Variants in ASIC2 observed in about 807,000 individuals in gnomAD.
The protein encoded by ASIC2 is acid-sensing ion channel 2.
A neutral mutation model predicts 57.3 loss-of-function variants in ASIC2; 25 were observed. The ratio of observed to expected loss-of-function variants is 0.44; its 90% CI spans 0.32 to 0.61. ASIC2 has a LOEUF of 0.61. Ranked by LOEUF, ASIC2 falls within the 20% of genes least tolerant of loss-of-function variation. The pLI, the probability that ASIC2 is intolerant of heterozygous loss-of-function variation, is 0.06. For missense variants in ASIC2, 641 were observed against 738.1 expected (o/e 0.87, Z 1.52); for synonymous variants, 319 against 307.5 (o/e 1.04, Z -0.39).
At chr17:33,266,731 T>A (rs1909476973) in intron 1 of ASIC2, among the ~76,000 whole-genome samples, 1 of 152,018 alleles carries the variant, frequency 6.6e-6, no homozygotes, top group Admixed American at 6.6e-5. Flanking sequence ...AATTATTCAA[T>A]GAGATGTCAA....
At chr17:34,103,640 G>A (rs2142102784) in intron 1 of ASIC2, among the ~76,000 whole-genome samples, 1 of 152,092 alleles carries the variant, frequency 6.6e-6, no homozygotes, top group South Asian at 2.1e-4. Flanking sequence ...TGTGTGGTGT[G>A]AGGTCAGAGA....
chr17:33,367,019 G>A (rs932090892), intron 1 of ASIC2, among the ~76,000 whole-genome samples: 2 of 152,246 alleles, frequency 1.3e-5, no homozygotes, highest in African/African-American at 4.8e-5. Flanking sequence ...TGTTCTGCGT[G>A]CTAGGTGCTA....
intron 3 of ASIC2, among the ~76,000 whole-genome samples, chr17:33,029,248 C>T (rs1208152806): frequency 2.6e-5 from 4 of 152,218 alleles, no homozygotes; most frequent in Non-Finnish European, 5.9e-5. Context: ...CATTTTAAAA[C>T]ACCCTAGAAA....
At chr17:33,441,644 C>A (rs1232538673) in intron 1 of ASIC2, among the ~76,000 whole-genome samples, 1 of 152,256 alleles carries the variant, frequency 6.6e-6, no homozygotes, top group Admixed American at 6.5e-5. Flanking sequence ...GTCATAAGGA[C>A]CTCATTTCAG....
chr17:33,556,526 C>A (rs1367959997), intron 1 of ASIC2, among the ~76,000 whole-genome samples: 1 of 152,168 alleles, frequency 6.6e-6, no homozygotes, highest in Admixed American at 6.5e-5. Flanking sequence ...CGTTTAAATT[C>A]AGAAAATTAA....
intron 1 of ASIC2, among the ~76,000 whole-genome samples, chr17:33,698,917 C>G (rs769740950): frequency 1.1e-4 from 16 of 152,218 alleles, no homozygotes; most frequent in Middle Eastern, 3.4e-3. Flanking sequence ...AGATGCCCCC[C>G]CTCTGCTTTT....
At chr17:33,848,338 C>A (rs540667587) in intron 1 of ASIC2, among the ~76,000 whole-genome samples, 1 of 152,162 alleles carries the variant, frequency 6.6e-6, no homozygotes, top group Non-Finnish European at 1.5e-5. Flanking sequence ...TTTCTCCTTA[C>A]ATGCTCAACC....
At chr17:33,271,152 C>T (rs1904476988) in intron 1 of ASIC2, among the ~76,000 whole-genome samples, 1 of 152,162 alleles carries the variant, frequency 6.6e-6, no homozygotes. Context: ...TCCCTTGGGT[C>T]AGTGCCCTCT....
intron 1 of ASIC2, among the ~76,000 whole-genome samples, chr17:33,807,474 T>C (rs1912300283): frequency 6.6e-6 from 1 of 152,156 alleles, no homozygotes; most frequent in African/African-American, 2.4e-5. Context: ...GGCAAAGACA[T>C]AATCAATCAA....
At chr17:34,151,324 G>T (rs1904518066) in intron 1 of ASIC2, among the ~76,000 whole-genome samples, 1 of 152,180 alleles carries the variant, frequency 6.6e-6, no homozygotes, top group Admixed American at 6.5e-5. Flanking sequence ...CATCTGGAGG[G>T]GGTGGGAAAT....
At chr17:33,169,635 C>A (rs1905432324) in intron 1 of ASIC2, among the ~76,000 whole-genome samples, 1 of 152,204 alleles carries the variant, frequency 6.6e-6, no homozygotes, top group Non-Finnish European at 1.5e-5. Context: ...CTCAAAATGC[C>A]ACCCAGAGGT....
At chr17:33,330,927 G>T (rs771645486) in intron 1 of ASIC2, among the ~76,000 whole-genome samples, 3 of 152,098 alleles carry the variant, frequency 2.0e-5, no homozygotes, top group African/African-American at 7.2e-5. Context: ...TATTGTGCTC[G>T]GTGTGTTTAA....
At chr17:33,392,223 C>T (rs1909926360) in intron 1 of ASIC2, among the ~76,000 whole-genome samples, 1 of 95,366 alleles carries the variant, frequency 1.0e-5, no homozygotes, top group African/African-American at 3.8e-5. Context: ...TCCTTCCTTC[C>T]TTCCTTCCTT....
chr17:33,904,035 T>C (rs950130395), intron 1 of ASIC2, among the ~76,000 whole-genome samples: 4 of 151,644 alleles, frequency 2.6e-5, no homozygotes, highest in African/African-American at 9.7e-5. Context: ...TGGTGGTGCA[T>C]GGCTGTAATT....
chr17:33,346,698 T>C (rs1907963498), intron 1 of ASIC2, among the ~76,000 whole-genome samples: 1 of 152,138 alleles, frequency 6.6e-6, no homozygotes, highest in African/African-American at 2.4e-5. Flanking sequence ...AAGCTGAAGA[T>C]ATAGATCTGG....
chr17:33,661,156 C>G (rs1424105416), intron 1 of ASIC2, among the ~76,000 whole-genome samples: 2 of 152,184 alleles, frequency 1.3e-5, no homozygotes, highest in East Asian at 3.9e-4. Context: ...TTTCCTTTGC[C>G]CCCTCTCTTG....
intron 1 of ASIC2, among the ~76,000 whole-genome samples, chr17:33,652,455 C>T (rs1261262018): frequency 2.6e-5 from 4 of 152,202 alleles, no homozygotes; most frequent in African/African-American, 9.7e-5. Flanking sequence ...TCAATCCTCG[C>T]AATAACTCTG....
chr17:33,801,037 A>G (rs1218028692), intron 1 of ASIC2, among the ~76,000 whole-genome samples: 1 of 152,178 alleles, frequency 6.6e-6, no homozygotes, highest in East Asian at 1.9e-4. Context: ...TGAGATTAAA[A>G]ACCCTCTAGG....
chr17:33,878,410 A>G (rs538966219), intron 1 of ASIC2, among the ~76,000 whole-genome samples: 1 of 152,376 alleles, frequency 6.6e-6, no homozygotes, highest in South Asian at 2.1e-4. Context: ...ATAAGTCCTT[A>G]AAAGACCTGA....
Sources: allele counts gnomAD v4.1 joint callset (sites outside exome capture counted in the v4.1 genomes callset), GRCh38; gene constraint gnomAD v4.1.1; transcripts MANE v1.5; gene names NCBI Gene and HGNC (gene_info 2026-07-23, HGNC 2026-07-21).